The following NEMF variants were observed in gnomAD, a reference collection of about 807,000 sequenced individuals.
NEMF encodes the protein nuclear export mediator factor, also known as ribosome quality control complex subunit NEMF.
NEMF carries 89 observed loss-of-function variants against 162.2 expected under a neutral mutation model. The ratio of observed to expected loss-of-function variants is 0.55; its 90% CI spans 0.46 to 0.65. NEMF has a LOEUF of 0.65. NEMF is among the 30% of genes least tolerant of loss of function. The pLI is 0.00. For synonymous variants in NEMF, 421 were observed against 404.5 expected, an observed-to-expected ratio of 1.04 and a Z score of -0.49; for missense variants, 1,133 against 1,261.9, an observed-to-expected ratio of 0.90 and a Z score of 1.55.
intron 14 of NEMF, 114 bp from the exon 15 acceptor site, chr14:49,828,468 A>G (rs1448010218): frequency 4.1e-6 from 4 of 964,138 alleles, no homozygotes; most frequent in African/African-American, 3.4e-5. Flanking sequence ...AACAAACTGT[A>G]TAATTAACAA....
At chr14:49,806,185 A>G (rs1220346992) in intron 18 of NEMF, 52 bp from the exon 19 acceptor site, 4 of 1,252,496 alleles carry the variant, frequency 3.2e-6, no homozygotes, top group Non-Finnish European at 3.4e-6. Context: ...CTTTCTCCAG[A>G]GCAAGATATG....
Position 49,840,828 on chromosome 14 carries a change from T to G in NEMF, c.396A>C (p.Leu132Phe). ...CATCAGTTCGAAACCTTAGAATATT[T>G]AAAATTACGTACTCATAATCTGTAA... ...IVLTDYEYVI[L>F]NILRFRTDEA... Residue 132 changes from leucine (L) to phenylalanine (F), a missense_variant, in exon 5 of 33, where the codon TTA becomes TTC. Coordinates refer to ENST00000298310, the MANE Select transcript of NEMF (RefSeq NM_004713.6). 6.2e-7 allele frequency: 1 copy of G among 1,612,670 alleles called. No homozygotes were observed. The highest frequency in any genetic ancestry group is 1.1e-5 in the South Asian group (1 of 90,860).
At chr14:49,815,117 T>A (rs1045462347) in intron 16 of NEMF, among the ~76,000 whole-genome samples, 2 of 152,206 alleles carry the variant, frequency 1.3e-5, no homozygotes, top group Non-Finnish European at 2.9e-5. Flanking sequence ...TAAACTCAAC[T>A]TCTAACAATA....
rs755532914 is a variant in NEMF, at chr14:49,852,774, A to C, written c.-21T>G. The C allele has an allele frequency of 5.0e-6, 8 of 1,613,784 alleles. No individual in the cohort carries two copies. The highest frequency in any genetic ancestry group is 6.8e-6 in the Non-Finnish European group (8 of 1,179,848). ...TTCATGGCGAGGCCCGAGGGTCACT[A>C]CCGCAAGTTCCTCTACTGCCCGGCC... On this transcript the variant is annotated 5_prime_UTR_variant, in exon 1 of 33. Transcript: ENST00000298310.
intron 18 of NEMF, 48 bp from the exon 19 acceptor site, chr14:49,806,181 C>G (rs199595875): frequency 1.5e-6 from 2 of 1,295,172 alleles, no homozygotes; most frequent in East Asian, 2.6e-5. Flanking sequence ...TGGACTTTCT[C>G]CAGAGCAAGA....
At chr14:49,799,885 T>C (rs1890877582) in intron 23 of NEMF, among the ~76,000 whole-genome samples, 1 of 152,184 alleles carries the variant, frequency 6.6e-6, no homozygotes, top group African/African-American at 2.4e-5. Flanking sequence ...ATTGAAAACT[T>C]ACTGTGTGTC....
chr14:49,828,980 T>C, intron 13 of NEMF, 74 bp downstream of exon 13: 1 of 1,428,642 alleles, frequency 7.0e-7, no homozygotes, highest in Non-Finnish European at 9.5e-7. Context: ...GAAGAAAAAA[T>C]GTTTAATACA....
chr14:49,803,425 A>C (rs1239019818), intron 19 of NEMF, 131 bp from the exon 20 acceptor site: 1 of 553,960 alleles, frequency 1.8e-6, no homozygotes, highest in African/African-American at 1.9e-5. Context: ...AATTTCGTAC[A>C]AATTCTCAAT....
chr14:49,801,081 G>A (rs183768583), intron 22 of NEMF: 4 of 185,282 alleles, frequency 2.2e-5, no homozygotes, highest in Non-Finnish European at 4.5e-5. Context: ...CACATAGCAG[G>A]TGCTCATTCT....
chr14:49,846,243 C>T lies in NEMF; in HGVS notation c.254G>A (p.Arg85Gln), dbSNP rs780750748. ...AMKCRKHLKSRRLVSAKQLGV... is the reference protein window; with the variant it reads ...AMKCRKHLKSQRLVSAKQLGV... ...AAGCTGTTTTGCACTGACTAATCTC[C>T]GACTCTTCAAATGTTTTCGGCACTA... The change falls in exon 4 of 33, where the codon CGG becomes CAG. Residue 85 changes from arginine to glutamine, a missense_variant. By Grantham distance (43) the Arg-to-Gln change is conservative (BLOSUM62 1). Coordinates refer to ENST00000298310, the MANE Select transcript of NEMF (RefSeq NM_004713.6). 613 of 1,611,914 alleles carry T rather than the reference C, an allele frequency of 3.8e-4. 2 individuals are homozygous for T. Among genetic ancestry groups the T allele is most frequent in the Non-Finnish European group, 5.0e-4 (591 of 1,179,512 alleles).
chr14:49,816,561 C>T (rs1891727283), intron 16 of NEMF, among the ~76,000 whole-genome samples: 2 of 152,204 alleles, frequency 1.3e-5, no homozygotes, highest in Non-Finnish European at 2.9e-5. Context: ...TGATGTCACC[C>T]CCAGCAGCCC....
chr14:49,816,300 T>C (rs1891713735), intron 16 of NEMF, among the ~76,000 whole-genome samples: 1 of 152,230 alleles, frequency 6.6e-6, no homozygotes, highest in Non-Finnish European at 1.5e-5. Context: ...GTCAATCTTT[T>C]GTCCTTTGCC....
intron 4 of NEMF, chr14:49,845,850 T>C: frequency 2.2e-6 from 1 of 455,206 alleles, no homozygotes; most frequent in South Asian, 4.4e-5. Context: ...TATTTTCTGG[T>C]TGCATATTAG....
At chr14:49,838,298 C>G (rs1398339483) in intron 5 of NEMF, 92 bp from the exon 6 acceptor site, 1 of 963,230 alleles carries the variant, frequency 1.0e-6, no homozygotes, top group Non-Finnish European at 1.6e-6. Context: ...TATCAGTTCA[C>G]CTGATCTTTA....
chr14:49,829,607 C>T (rs980033849), intron 11 of NEMF, among the ~76,000 whole-genome samples, 181 bp from the exon 12 acceptor site: 3 of 152,178 alleles, frequency 2.0e-5, no homozygotes, highest in East Asian at 1.9e-4. Flanking sequence ...CCCAAAATTA[C>T]TTCTCCTGTC....
chr14:49,849,632 T>C (rs1298833984), intron 3 of NEMF: 1 of 152,246 alleles, frequency 6.6e-6, no homozygotes, highest in Non-Finnish European at 1.5e-5. Context: ...GACTGACCTA[T>C]TAGTGTAGTC....
At chr14:49,831,522 C>A (rs535231909) in intron 10 of NEMF, among the ~76,000 whole-genome samples, 161 bp from the exon 11 acceptor site, 22 of 152,164 alleles carry the variant, frequency 1.4e-4, no homozygotes, top group African/African-American at 5.1e-4. Context: ...ACTGCAACTT[C>A]CACCTCCGAG....
At chr14:49,796,030 T>C in intron 25 of NEMF, 86 bp from the exon 26 acceptor site, 4 of 923,082 alleles carry the variant, frequency 4.3e-6, no homozygotes, top group East Asian at 2.5e-5. Flanking sequence ...AAGGCACATA[T>C]ACAGTATATA....
At chr14:49,822,816 TG>T (rs1331750038) in intron 16 of NEMF, among the ~76,000 whole-genome samples, 2 of 152,034 alleles carry the variant, frequency 1.3e-5, no homozygotes, top group Non-Finnish European at 2.9e-5. Flanking sequence ...AAAGGGAGTA[TG>T]TCTGCTGAAG....
Sources: allele counts gnomAD v4.1 joint callset (sites outside exome capture counted in the v4.1 genomes callset), GRCh38; gene constraint gnomAD v4.1.1; transcripts MANE v1.5; gene names NCBI Gene and HGNC (gene_info 2026-07-23, HGNC 2026-07-21).